The following RFX3 variants were observed in gnomAD, a reference collection of about 807,000 sequenced individuals.
The protein encoded by RFX3 is transcription factor RFX3.
In RFX3, 14 loss-of-function variants were observed where a neutral mutation model predicts 98.6. That is an observed-to-expected ratio of 0.14 (90% CI 0.09 to 0.22). The LOEUF (loss-of-function observed/expected upper bound fraction) is 0.22. RFX3 is among the 10% of genes least tolerant of loss of function. The probability of loss-of-function intolerance (pLI) is 1.00; values close to 1 mark genes in which losing one functional copy is unlikely to be tolerated. For synonymous variants in RFX3, 383 were observed against 328.4 expected (o/e 1.17, Z -1.80); for missense variants, 639 against 926.9 (o/e 0.69, Z 4.03).
intron 1 of RFX3, among the ~76,000 whole-genome samples, chr9:3,397,790 T>C (rs915391751): frequency 6.6e-6 from 1 of 152,356 alleles, no homozygotes; most frequent in Non-Finnish European, 1.5e-5. Flanking sequence ...CTAGCACTGA[T>C]TGTTCAACAC....
In RFX3 at chr9:3,422,547, C is replaced by T. The variant is rs140465144; in HGVS notation, c.-8-26951G>A. On this transcript the variant is annotated intron_variant, in intron 1 of 16. Transcript: ENST00000617270. ...AAGCAACTCTTTTCTACCTTTGATG[C>T]TACTGGGAATCAAAGATCTTTTAAG... Among the ~76,000 whole-genome samples the T allele has an allele frequency of 4.1e-3, 626 of 152,338 alleles. 3 individuals are homozygous for T. Among genetic ancestry groups the T allele is most frequent in the Middle Eastern group, 0.014 (4 of 294 alleles).
At chr9:3,462,675 G>T (rs188443974) in intron 1 of RFX3, among the ~76,000 whole-genome samples, 41 of 152,142 alleles carry the variant, frequency 2.7e-4, no homozygotes, top group African/African-American at 9.4e-4. Context: ...AAAGCTATTA[G>T]AAACAGTGCA....
At chr9:3,451,330 G>A (rs1442596267) in intron 1 of RFX3, among the ~76,000 whole-genome samples, 1 of 152,162 alleles carries the variant, frequency 6.6e-6, no homozygotes, top group Non-Finnish European at 1.5e-5. Flanking sequence ...AAGTTCACTT[G>A]AGCCCAGGAG....
intron 1 of RFX3, among the ~76,000 whole-genome samples, chr9:3,485,424 G>A (rs1433632761): frequency 6.6e-6 from 1 of 152,146 alleles, no homozygotes; most frequent in Non-Finnish European, 1.5e-5. Flanking sequence ...TATTGAATTA[G>A]TAAGTGAGTG....
At chr9:3,467,256 A>G (rs1848380583) in intron 1 of RFX3, among the ~76,000 whole-genome samples, 1 of 145,454 alleles carries the variant, frequency 6.9e-6, no homozygotes, top group African/African-American at 2.5e-5. Context: ...TTATATATAC[A>G]TATATATGTA....
chr9:3,353,695 A>C (rs778417751), intron 2 of RFX3, among the ~76,000 whole-genome samples: 1 of 152,066 alleles, frequency 6.6e-6, no homozygotes, highest in Non-Finnish European at 1.5e-5. Context: ...AGTGTAACTG[A>C]CTACCCAAAA....
intron 6 of RFX3, among the ~76,000 whole-genome samples, chr9:3,290,511 A>C (rs1249186224): frequency 6.6e-6 from 1 of 152,176 alleles, no homozygotes; most frequent in Non-Finnish European, 1.5e-5. Flanking sequence ...GGTATGCATA[A>C]CTACAGAGCC....
At chr9:3,325,222 T>A (rs1433185490) in intron 4 of RFX3, among the ~76,000 whole-genome samples, 4 of 152,116 alleles carry the variant, frequency 2.6e-5, no homozygotes, top group Non-Finnish European at 5.9e-5. Flanking sequence ...ATTTATACTC[T>A]TAGAAAAAGC....
At chr9:3,311,343 C>A (rs950856909) in intron 4 of RFX3, among the ~76,000 whole-genome samples, 1 of 152,076 alleles carries the variant, frequency 6.6e-6, no homozygotes, top group African/African-American at 2.4e-5. Context: ...TACTTGGAGA[C>A]TTATGTTTAG....
intron 2 of RFX3, chr9:3,364,403 C>A (rs62526375): frequency 2.2e-5 from 5 of 224,720 alleles, no homozygotes; most frequent in African/African-American, 9.5e-5. Flanking sequence ...ACAAAATGGG[C>A]GGTCTTTTTC....
intron 3 of RFX3, among the ~76,000 whole-genome samples, chr9:3,342,768 T>C (rs1487502805): frequency 2.0e-5 from 3 of 152,214 alleles, no homozygotes; most frequent in Non-Finnish European, 4.4e-5. Flanking sequence ...CATAGTATTC[T>C]AATTGATTAA....
intron 1 of RFX3, among the ~76,000 whole-genome samples, chr9:3,450,827 C>T (rs1304574437): frequency 1.3e-5 from 2 of 152,148 alleles, no homozygotes; most frequent in Non-Finnish European, 2.9e-5. Flanking sequence ...TCATTCCATT[C>T]AATCCAGTGA....
intron 1 of RFX3, among the ~76,000 whole-genome samples, chr9:3,415,284 G>A (rs1189180624): frequency 1.3e-5 from 2 of 149,506 alleles, no homozygotes; most frequent in Non-Finnish European, 3.0e-5. Context: ...GTGCAATCAT[G>A]ATTCACTGCA....
chr9:3,493,185 C>G (rs1280106240), intron 1 of RFX3, among the ~76,000 whole-genome samples: 4 of 152,054 alleles, frequency 2.6e-5, no homozygotes, highest in Non-Finnish European at 5.9e-5. Flanking sequence ...TATCCATGAA[C>G]TGAAAGTAAA....
intron 2 of RFX3, among the ~76,000 whole-genome samples, chr9:3,392,357 C>G (rs930313225): frequency 2.0e-5 from 3 of 150,796 alleles, no homozygotes; most frequent in Admixed American, 2.0e-4. Context: ...AAATTAATAT[C>G]TTCAGAAAGG....
At chr9:3,311,247 T>C (rs1045715902) in intron 4 of RFX3, among the ~76,000 whole-genome samples, 9 of 152,218 alleles carry the variant, frequency 5.9e-5, no homozygotes, top group East Asian at 1.9e-4. Context: ...TTCAGGACTT[T>C]AAATTTTGTT....
At chr9:3,525,187 T>A (rs1388494049) in intron 1 of RFX3, among the ~76,000 whole-genome samples, 1 of 151,946 alleles carries the variant, frequency 6.6e-6, no homozygotes, top group Non-Finnish European at 1.5e-5. Flanking sequence ...CACCAACGTA[T>A]GAGGATTAAA....
chr9:3,371,411 G>A (rs1254149777), intron 2 of RFX3, among the ~76,000 whole-genome samples: 1 of 152,098 alleles, frequency 6.6e-6, no homozygotes, highest in African/African-American at 2.4e-5. Context: ...CGCTTACGCA[G>A]CTCTAAAATA....
At chr9:3,496,544 G>T (rs551499747) in intron 1 of RFX3, among the ~76,000 whole-genome samples, 1 of 152,022 alleles carries the variant, frequency 6.6e-6, no homozygotes, top group Admixed American at 6.5e-5. Context: ...AAGCCAGAAA[G>T]ATGAAAATAA....
Sources: gnomAD v4.1 joint callset for allele counts (sites outside exome capture counted in the v4.1 genomes callset) on GRCh38, gnomAD v4.1.1 for gene constraint, MANE v1.5 for transcripts, NCBI Gene and HGNC (gene_info 2026-07-23, HGNC 2026-07-21) for gene names.